PLCD1: variants seen among roughly 807,000 people sequenced by gnomAD.
PLCD1 encodes phospholipase C delta 1, also known as 1-phosphatidylinositol 4,5-bisphosphate phosphodiesterase delta-1.
PLCD1 carries 71 observed loss-of-function variants against 87.4 expected under a neutral mutation model. The ratio of observed to expected loss-of-function variants is 0.81; its 90% CI spans 0.67 to 0.99. PLCD1 has a LOEUF of 0.99. Ranked by LOEUF, PLCD1 falls within the 50% of genes least tolerant of loss-of-function variation. PLCD1 has a pLI of 0.00. For synonymous variants in PLCD1, 348 were observed against 399.2 expected, an observed-to-expected ratio of 0.87 and a Z score of 1.53; for missense variants, 867 against 1,001.5, an observed-to-expected ratio of 0.87 and a Z score of 1.81.
chr3:38,027,491 G>T (rs1350648799), intron 1 of PLCD1, among the ~76,000 whole-genome samples: 1 of 152,244 alleles, frequency 6.6e-6, no homozygotes, highest in Non-Finnish European at 1.5e-5. Flanking sequence ...GCCAAGACTT[G>T]AACTCAGGTA....
At chr3:38,028,765 C>A (rs1575360245) in intron 1 of PLCD1, among the ~76,000 whole-genome samples, 1 of 152,222 alleles carries the variant, frequency 6.6e-6, no homozygotes, top group Admixed American at 6.5e-5. Flanking sequence ...GCCTCCAGAT[C>A]TGCCTTCGGG....
At chr3:38,026,206 T>C (rs923633241) in intron 1 of PLCD1, among the ~76,000 whole-genome samples, 2 of 152,190 alleles carry the variant, frequency 1.3e-5, no homozygotes, top group Admixed American at 1.3e-4. Context: ...TTCTTATGTA[T>C]TTTATTTTCT....
At chr3:38,009,548 G>A in intron 9 of PLCD1, 105 bp downstream of exon 9, 1 of 1,556,716 alleles carries the variant, frequency 6.4e-7, no homozygotes, top group Non-Finnish European at 8.8e-7. Context: ...GAGCGGGGCA[G>A]AGGGTCTGAG....
intron 1 of PLCD1, among the ~76,000 whole-genome samples, chr3:38,027,575 G>A (rs1700322234): frequency 1.3e-5 from 2 of 152,222 alleles, no homozygotes; most frequent in Non-Finnish European, 2.9e-5. Flanking sequence ...GAAGGGACAT[G>A]TCACATCTAG....
rs73825464 is a variant in PLCD1 at position 38,017,303 on chromosome 3, C to T, written c.200-584G>A. Among the ~76,000 whole-genome samples the T allele has an allele frequency of 0.057, 8,615 of 152,114 alleles. 431 individuals are homozygous for T. Among genetic ancestry groups the T allele is most frequent in the African/African-American group, 0.13 (5,427 of 41,480 alleles). On this transcript the variant is annotated intron_variant, in intron 2 of 14. Coordinates refer to ENST00000334661, the MANE Select transcript of PLCD1 (RefSeq NM_006225.4). This position sits in a 1 kb window ranked among gnomAD's most constrained non-coding sequence, Gnocchi z 4.7. ...GCCCTGGGGTCTATGGGCAGAGGGCCGAAGACAGAGGGAGAAGCCCTGCAT... is the reference window on the plus strand; with the variant it reads ...GCCCTGGGGTCTATGGGCAGAGGGCTGAAGACAGAGGGAGAAGCCCTGCAT...
At chr3:38,024,882 G>A in intron 1 of PLCD1, 1 of 403,566 alleles carries the variant, frequency 2.5e-6, no homozygotes. Flanking sequence ...CGAGAGTGGT[G>A]TCGAGGCGTG....
rs373295401 is a variant in PLCD1 at position 38,011,417 on chromosome 3, A to G, written c.587T>C (p.Leu196Pro). 113 of 1,613,948 alleles carry G rather than the reference A, an allele frequency of 7.0e-5. No homozygotes were observed. Among genetic ancestry groups the G allele is most frequent in the Non-Finnish European group, 7.5e-5 (88 of 1,179,974 alleles). The stretch of plus-strand genomic sequence containing the variant: ...GAAGGCCTCAATCTCCTCGTCCTCC[A>G]GGGAGTCTGTCTGGGAGTGGTCACA... ...RECDHSQTDS[L>P]EDEEIEAFYK... The change falls in exon 5 of 15, where the codon CTG (leucine) becomes CCG (proline). Residue 196 changes from leucine to proline, a missense_variant. Transcript: ENST00000334661.
Position 38,008,287 on chromosome 3 carries a change from A to G in PLCD1, c.1983T>C (p.His661=), listed in dbSNP as rs754837141. 7 of 1,614,078 alleles carry G rather than the reference A, an allele frequency of 4.3e-6. No homozygotes were observed. In the East Asian group the frequency reaches 1.3e-4, roughly 31 times the overall value. The part of the protein sequence containing the change: ...IVDPKVTVEI[H]GVSRDVASRQ... ...GGCTGGCCACGTCCCGGCTCACGCC[A>G]TGGATCTCCACTGTCACTTTGGGGT... The change falls in exon 13 of 15, where the codon CAT becomes CAC. Residue 661 remains histidine (H), a synonymous_variant. Transcript: ENST00000334661.
intron 1 of PLCD1, chr3:38,024,726 C>G (rs1359359057): frequency 2.1e-6 from 3 of 1,418,320 alleles, no homozygotes; most frequent in Admixed American, 2.3e-5. Flanking sequence ...GAGGCGAGAG[C>G]GAAACCGAGG....
rs1700214008 is a variant in PLCD1, at chr3:38,020,261, G to C, written c.126C>G (p.Tyr42Ter). The C allele has an allele frequency of 6.2e-7, 1 of 1,614,068 alleles. No homozygotes were observed. Among genetic ancestry groups the C allele is most frequent in the Non-Finnish European group, 8.5e-7 (1 of 1,179,984 alleles). ...TGGTCTTGCAGTCCTCCTGCAACTT[G>C]TAGAAGCGCTCTCTCCTCCATGAGC... ...KSSSWRRERFYKLQEDCKTIW... is the reference protein window; with the variant it reads ...KSSSWRRERF Residue 42 changes from tyrosine (Y) to a stop codon, truncating the protein, a stop_gained, in exon 2 of 15, where the codon TAC (tyrosine) becomes TAG (stop). Transcript: ENST00000334661. LOFTEE classifies it high-confidence loss of function.
chr3:38,019,861 G>A (rs1442395649), intron 2 of PLCD1, among the ~76,000 whole-genome samples: 3 of 152,160 alleles, frequency 2.0e-5, no homozygotes, highest in Non-Finnish European at 4.4e-5. Flanking sequence ...TTCTGAGCCT[G>A]GCTGTCCCCA....
chr3:38,014,260 T>G (rs1376345299), intron 3 of PLCD1, among the ~76,000 whole-genome samples: 1 of 150,118 alleles, frequency 6.7e-6, no homozygotes, highest in African/African-American at 2.5e-5. Flanking sequence ...CCAGAATAGC[T>G]AAAGCAATAT....
At chr3:38,007,913 C>T (rs781277281) in intron 14 of PLCD1, 55 bp from the exon 15 acceptor site, 86 of 1,605,174 alleles carry the variant, frequency 5.4e-5, no homozygotes, top group Admixed American at 2.2e-4. Flanking sequence ...CATTCGGCGG[C>T]GGAGGGGGGG....
rs1211887385 is a variant in PLCD1 at position 38,010,490 on chromosome 3, C to T, written c.863G>A (p.Ser288Asn). The T allele has an allele frequency of 3.1e-6, 5 of 1,613,874 alleles. No homozygotes were observed. Among genetic ancestry groups the T allele is most frequent in the South Asian group, 1.1e-5 (1 of 91,078 alleles). Residue 288 changes from serine (S) to asparagine (N), a missense_variant, in exon 6 of 15, where the codon AGC (serine) becomes AAC (asparagine). Ser to Asn is a conservative substitution (Grantham distance 46). Transcript: ENST00000334661. ...CTGGTAGACACGGCGGTGTGCCAGG[C>T]TGAAGGCGCTGCCGTCAGCCGACAG... Reference protein sequence around the residue: ...YLLSADGSAFSLAHRRVYQDM... With the variant: ...YLLSADGSAFNLAHRRVYQDM...
In PLCD1 at chr3:38,017,863, T is replaced by C. The variant is rs1345679169; in HGVS notation, c.200-1144A>G. Among the ~76,000 whole-genome samples, 1 of 152,102 alleles carries C rather than the reference T, an allele frequency of 6.6e-6. No individual in the cohort carries two copies. Among genetic ancestry groups the C allele is most frequent in the Non-Finnish European group, 1.5e-5 (1 of 68,000 alleles). Reference sequence around the variant, plus strand: ...TGGGACACATGAGCCCAGGGCCATGTGGGGGACAGAGGATAGCACGGCTTA... The same window carrying C: ...TGGGACACATGAGCCCAGGGCCATGCGGGGGACAGAGGATAGCACGGCTTA... On this transcript the variant is annotated intron_variant, in intron 2 of 14. Transcript: ENST00000334661. The surrounding 1 kb of genome is among the most constrained non-coding windows in gnomAD (Gnocchi z 4.7).
intron 3 of PLCD1, 118 bp downstream of exon 3, chr3:38,016,373 A>G: frequency 1.4e-6 from 1 of 727,504 alleles, no homozygotes; most frequent in Non-Finnish European, 2.5e-6. Flanking sequence ...GCCACCTATG[A>G]TATTTTGTTA....
At chr3:38,019,190 G>C (rs761628970) in intron 2 of PLCD1, among the ~76,000 whole-genome samples, 5 of 152,198 alleles carry the variant, frequency 3.3e-5, no homozygotes, top group Non-Finnish European at 5.9e-5. Context: ...GCCAATGGCA[G>C]GAGAATGGGC....
In PLCD1 at chr3:38,020,173, C is replaced by G. The variant is rs1232305832; in HGVS notation, c.199+15G>C. On this transcript the variant is annotated intron_variant, in intron 2 of 14. Coordinates refer to ENST00000334661, the MANE Select transcript of PLCD1 (RefSeq NM_006225.4). ...CCACACTCTATCCCCTCCCCTGTGA[C>G]CCCAGGGCACTCACACAGCTGGGAC... The G allele has an allele frequency of 3.7e-6, 6 of 1,609,766 alleles. No homozygotes were observed. In the Admixed American group the frequency reaches 1.0e-4, roughly 27 times the overall value.
chr3:38,019,250 A>AT (rs1286059700), intron 2 of PLCD1, among the ~76,000 whole-genome samples: 1 of 152,202 alleles, frequency 6.6e-6, no homozygotes, highest in African/African-American at 2.4e-5. Context: ...GCAATGATCT[A>AT]TATGCACTGT....
Sources: gnomAD v4.1 joint callset for allele counts (sites outside exome capture counted in the v4.1 genomes callset) on GRCh38, gnomAD v4.1.1 for gene constraint, Gnocchi (gnomAD v3.1) non-coding constraint, MANE v1.5 for transcripts, NCBI Gene and HGNC (gene_info 2026-07-23, HGNC 2026-07-21) for gene names.